The following UTRN variants were observed in gnomAD, a reference collection of about 807,000 sequenced individuals.
UTRN encodes the protein utrophin.
Under a neutral mutation model 463.9 loss-of-function variants are expected in UTRN, and 283 were observed. The ratio of observed to expected loss-of-function variants is 0.61; its 90% CI spans 0.55 to 0.67. The LOEUF (loss-of-function observed/expected upper bound fraction) is 0.67, where lower values mean the gene tolerates loss of function less well. Ranked by LOEUF, UTRN falls within the 30% of genes least tolerant of loss-of-function variation. UTRN has a pLI of 0.00. For missense variants in UTRN, 3,922 were observed against 4,084.3 expected, an observed-to-expected ratio of 0.96 and a Z score of 1.08; for synonymous variants, 1,442 against 1,431.5, an observed-to-expected ratio of 1.01 and a Z score of -0.17.
chr6:144,759,330 T>G (rs11962142), intron 58 of UTRN, among the ~76,000 whole-genome samples: 4,000 of 152,220 alleles, frequency 0.026, 165 homozygotes, highest in African/African-American at 0.091. Flanking sequence ...CTGAAAATGT[T>G]TAAAACTGTT....
At chr6:144,678,342 C>A (rs574997205) in intron 51 of UTRN, 64 bp from the exon 52 acceptor site, 2 of 1,476,194 alleles carry the variant, frequency 1.4e-6, no homozygotes, top group East Asian at 4.6e-5. Flanking sequence ...AGCAACTCAT[C>A]TGTGAATATA....
Position 144,444,293 on chromosome 6 carries a change from C to T in UTRN, c.1525C>T (p.Arg509Cys), listed in dbSNP as rs140905960. Residue 509 changes from arginine (R) to cysteine (C), a missense_variant, in exon 14 of 75, where the codon CGC (arginine) becomes TGC (cysteine). Physicochemically the swap from Arg to Cys is radical, Grantham distance 180. Transcript: ENST00000367545. ...CTCCTTTTTCTAGAAACTTGGTGAG[C>T]GCTGGACAGCAGTATGCCGTTGGAC... ...LEDQLQKLGE[R>C]WTAVCRWTEE... The T allele has an allele frequency of 1.9e-5, 30 of 1,610,336 alleles. No homozygotes were observed. The highest frequency in any genetic ancestry group is 5.3e-5 in the African/African-American group (4 of 74,770).
chr6:144,384,339 C>G (rs573075628), intron 2 of UTRN, among the ~76,000 whole-genome samples: 4 of 152,136 alleles, frequency 2.6e-5, no homozygotes, highest in East Asian at 3.9e-4. Context: ...CAGCGGCATT[C>G]GATTCTCATA....
At chr6:144,827,279 CT>C (rs1780268823) in intron 66 of UTRN, 68 bp from the exon 67 acceptor site, 1 of 1,584,928 alleles carries the variant, frequency 6.3e-7, no homozygotes, top group Non-Finnish European at 8.6e-7. Flanking sequence ...CACACCCCCA[CT>C]GCTTTTGTCT....
chr6:144,511,961 CAT>C (rs1361627107), intron 35 of UTRN, among the ~76,000 whole-genome samples: 2 of 151,972 alleles, frequency 1.3e-5, no homozygotes, highest in Non-Finnish European at 2.9e-5. Context: ...TGGATAGAGA[CAT>C]AAAAAATACA....
At chr6:144,821,103 T>G in intron 66 of UTRN, 85 bp downstream of exon 66, 1 of 1,462,848 alleles carries the variant, frequency 6.8e-7, no homozygotes, top group South Asian at 1.4e-5. Flanking sequence ...AGAGAAATTG[T>G]TTAATACCAA....
intron 51 of UTRN, among the ~76,000 whole-genome samples, chr6:144,601,874 A>G (rs1454257740): frequency 1.3e-5 from 2 of 152,164 alleles, no homozygotes; most frequent in African/African-American, 4.8e-5. Context: ...TCAACCCTTA[A>G]CTGAGCAACC....
chr6:144,368,771 G>T (rs960613028), intron 2 of UTRN, among the ~76,000 whole-genome samples: 3 of 148,696 alleles, frequency 2.0e-5, no homozygotes, highest in African/African-American at 4.9e-5. Flanking sequence ...CGCAAAAAAA[G>T]AAAAAAAAAG....
chr6:144,592,670 A>G (rs1253634343), intron 51 of UTRN, among the ~76,000 whole-genome samples: 1 of 152,176 alleles, frequency 6.6e-6, no homozygotes, highest in Non-Finnish European at 1.5e-5. Flanking sequence ...TGCCCAGCCA[A>G]TGAAAAGCTT....
intron 53 of UTRN, among the ~76,000 whole-genome samples, chr6:144,726,995 TC>T (rs1787949223): frequency 6.6e-6 from 1 of 152,130 alleles, no homozygotes; most frequent in South Asian, 2.1e-4. Context: ...TTTGCCCTCT[TC>T]CCTCCCCACA....
intron 53 of UTRN, among the ~76,000 whole-genome samples, chr6:144,703,621 G>A (rs763216667): frequency 6.6e-6 from 1 of 152,208 alleles, no homozygotes; most frequent in Non-Finnish European, 1.5e-5. Flanking sequence ...AAGGAGGAAA[G>A]TGTGTTATGA....
In UTRN at chr6:144,814,392, C is replaced by G. The variant is rs73596513; in HGVS notation, c.9358-6490C>G. ...TCTCTGCTGTTTTATTTAAGCCACT[C>G]AGTCTATAGTATTCTGTTATAGCAG... is the stretch of plus-strand genomic sequence containing the variant. On this transcript the variant is annotated intron_variant, in intron 65 of 74. Coordinates refer to ENST00000367545, the MANE Select transcript of UTRN (RefSeq NM_007124.3). Among the ~76,000 whole-genome samples, 1,197 of 152,296 alleles carry G rather than the reference C, an allele frequency of 7.9e-3. 18 individuals carry two copies. Among genetic ancestry groups the G allele is most frequent in the African/African-American group, 0.026 (1,082 of 41,566 alleles).
chr6:144,419,889 T>C (rs1784678748), intron 3 of UTRN, among the ~76,000 whole-genome samples: 1 of 152,122 alleles, frequency 6.6e-6, no homozygotes, highest in South Asian at 2.1e-4. Flanking sequence ...GGTAAGCTGT[T>C]GAGTGTGCAG....
At chr6:144,690,380 C>A (rs1007027557) in intron 52 of UTRN, among the ~76,000 whole-genome samples, 1 of 151,876 alleles carries the variant, frequency 6.6e-6, no homozygotes, top group Non-Finnish European at 1.5e-5. Flanking sequence ...AGGCAGGTCT[C>A]ACATCTGCAG....
At chr6:144,435,092 A>G (rs1786406779) in intron 9 of UTRN, among the ~76,000 whole-genome samples, 1 of 152,194 alleles carries the variant, frequency 6.6e-6, no homozygotes, top group African/African-American at 2.4e-5. Context: ...GTTAAAGGGA[A>G]TGTTAACAAA....
At chr6:144,643,697 T>G (rs566493979) in intron 51 of UTRN, among the ~76,000 whole-genome samples, 34 of 151,782 alleles carry the variant, frequency 2.2e-4, no homozygotes, top group Non-Finnish European at 4.1e-4. Flanking sequence ...CTTGAGAGGC[T>G]GAGGCAGGAG....
intron 32 of UTRN, among the ~76,000 whole-genome samples, chr6:144,492,256 T>C (rs937082039): frequency 6.6e-6 from 1 of 152,232 alleles, no homozygotes; most frequent in Non-Finnish European, 1.5e-5. Flanking sequence ...CTCCCACTTA[T>C]AAGTGAGAAC....
chr6:144,294,309 G>A (rs1804500466), intron 2 of UTRN, among the ~76,000 whole-genome samples: 1 of 152,088 alleles, frequency 6.6e-6, no homozygotes, highest in African/African-American at 2.4e-5. Context: ...GGATTTGAAT[G>A]GACCCATTAG....
chr6:144,428,937 T>C, intron 8 of UTRN, 44 bp downstream of exon 8: 1 of 1,285,304 alleles, frequency 7.8e-7, no homozygotes, highest in Non-Finnish European at 1.1e-6. Flanking sequence ...TGCTTTACAG[T>C]TTTGCATTCT....
Sources: allele counts gnomAD v4.1 joint callset (sites outside exome capture counted in the v4.1 genomes callset), GRCh38; gene constraint gnomAD v4.1.1; transcripts MANE v1.5; gene names NCBI Gene and HGNC (gene_info 2026-07-23, HGNC 2026-07-21).